The following KCNIP1 variants were observed in gnomAD, a reference collection of about 807,000 sequenced individuals.
KCNIP1 encodes A-type potassium channel modulatory protein KCNIP1.
A neutral mutation model predicts 33.0 loss-of-function variants in KCNIP1; 18 were observed. That is an observed-to-expected ratio of 0.55 (90% CI 0.38 to 0.81). The LOEUF is 0.81. Among genes scored for constraint, KCNIP1 ranks in the 30% least tolerant of loss-of-function variants. The pLI is 0.00. For synonymous variants in KCNIP1, 93 were observed against 98.3 expected (o/e 0.95, Z 0.32); for missense variants, 238 against 271.6 (o/e 0.88, Z 0.87).
At chr5:170,501,652 G>A (rs974625444), upstream of KCNIP1, among the ~76,000 whole-genome samples, 1 of 152,218 alleles carries the variant, frequency 6.6e-6, no homozygotes, top group African/African-American at 2.4e-5. Context: ...GACCTCTCAA[G>A]TGCTGTCCTT....
chr5:170,590,201 T>C (rs1758195218), intron 1 of KCNIP1, among the ~76,000 whole-genome samples: 1 of 152,048 alleles, frequency 6.6e-6, no homozygotes, highest in Non-Finnish European at 1.5e-5. Context: ...AGTTTTACAC[T>C]TCCCAGGACC....
At chr5:170,354,495 C>T (rs2113274693) in intron 1 of KCNIP1, among the ~76,000 whole-genome samples, 1 of 152,290 alleles carries the variant, frequency 6.6e-6, no homozygotes, top group Middle Eastern at 3.4e-3. Flanking sequence ...TCCAGCGTCT[C>T]GTGCTTCTGG....
chr5:170,701,873 C>T (rs1476036229), intron 1 of KCNIP1, among the ~76,000 whole-genome samples: 1 of 152,142 alleles, frequency 6.6e-6, no homozygotes, highest in Non-Finnish European at 1.5e-5. Context: ...TGTGGAGCTG[C>T]GACAGGAGCC....
chr5:170,712,007 C>T (rs775341940), intron 1 of KCNIP1, among the ~76,000 whole-genome samples: 6 of 152,134 alleles, frequency 3.9e-5, no homozygotes, highest in East Asian at 3.9e-4. Context: ...GCAAGACAGG[C>T]GGAAGTTCAA....
intron 1 of KCNIP1, among the ~76,000 whole-genome samples, chr5:170,667,931 A>G (rs1193546610): frequency 6.6e-6 from 1 of 152,242 alleles, no homozygotes; most frequent in African/African-American, 2.4e-5. Flanking sequence ...TTATTGGCTC[A>G]TGTAACTGAA....
At chr5:170,642,541 C>A (rs866916398) in intron 1 of KCNIP1, among the ~76,000 whole-genome samples, 1 of 152,212 alleles carries the variant, frequency 6.6e-6, no homozygotes. Context: ...GCTTTCGAAA[C>A]ATCGTCACCA....
In KCNIP1 at chr5:170,385,517, G is replaced by A. The variant is rs76212844; in HGVS notation, c.88+31553G>A. On this transcript the variant is annotated intron_variant, in intron 1 of 7. Transcript: ENST00000377360. ...AGAAGTGAGATCAGCCCAGTTCACA[G>A]GTGATCCACAGAAAGAGAGGACAGG... 1.1e-3 allele frequency: 1,789 copies of A among 1,567,658 alleles called. 14 individuals are homozygous for A. In the African/African-American group the frequency reaches 0.02, roughly 17 times the overall value.
chr5:170,555,355 T>C (rs1393182291), intron 1 of KCNIP1, among the ~76,000 whole-genome samples: 1 of 152,182 alleles, frequency 6.6e-6, no homozygotes, highest in Non-Finnish European at 1.5e-5. Context: ...AAGTTACCCC[T>C]CCAGGAGCCA....
At chr5:170,522,747 G>A (rs779866688) in intron 1 of KCNIP1, among the ~76,000 whole-genome samples, 28 of 152,226 alleles carry the variant, frequency 1.8e-4, no homozygotes, top group Non-Finnish European at 3.2e-4. Context: ...ACGGGTCTGG[G>A]TCTGTTTCCA....
At chr5:170,428,588 G>A (rs1364418644) in intron 1 of KCNIP1, among the ~76,000 whole-genome samples, 1 of 152,134 alleles carries the variant, frequency 6.6e-6, no homozygotes, top group African/African-American at 2.4e-5. Context: ...TCCAGGCTCT[G>A]GGCGGTTTCT....
chr5:170,460,121 C>A (rs1215481875), intron 1 of KCNIP1, among the ~76,000 whole-genome samples: 1 of 152,084 alleles, frequency 6.6e-6, no homozygotes, highest in Non-Finnish European at 1.5e-5. Flanking sequence ...ATAGATACAA[C>A]CCTCCTTGCT....
At chr5:170,598,071 C>T (rs1005366674) in intron 1 of KCNIP1, among the ~76,000 whole-genome samples, 6 of 152,106 alleles carry the variant, frequency 3.9e-5, no homozygotes, top group Admixed American at 2.0e-4. Flanking sequence ...TACTTCAGAT[C>T]GGAACAAATC....
At chr5:170,692,993 A>G (rs1434515103) in intron 1 of KCNIP1, among the ~76,000 whole-genome samples, 2 of 152,260 alleles carry the variant, frequency 1.3e-5, no homozygotes, top group African/African-American at 4.8e-5. Flanking sequence ...TTTCTGGAGA[A>G]TAGATCCATC....
At chr5:170,582,661 T>G (rs1393311893) in intron 1 of KCNIP1, among the ~76,000 whole-genome samples, 1 of 152,146 alleles carries the variant, frequency 6.6e-6, no homozygotes, top group East Asian at 1.9e-4. Flanking sequence ...TGCAGGTGAC[T>G]GAGAAGACCA....
intron 1 of KCNIP1, among the ~76,000 whole-genome samples, chr5:170,699,452 C>T (rs1001399958): frequency 6.6e-6 from 1 of 151,876 alleles, no homozygotes; most frequent in African/African-American, 2.4e-5. Context: ...AATTATCACA[C>T]CTCCTTTGCA....
intron 1 of KCNIP1, among the ~76,000 whole-genome samples, chr5:170,435,552 C>T (rs1436295193): frequency 2.6e-5 from 4 of 152,286 alleles, no homozygotes; most frequent in African/African-American, 9.6e-5. Flanking sequence ...GCTATTTCCC[C>T]TTGCCATTCT....
intron 5 of KCNIP1, among the ~76,000 whole-genome samples, chr5:170,729,870 G>T (rs925109850): frequency 2.6e-5 from 4 of 151,978 alleles, no homozygotes; most frequent in Admixed American, 2.6e-4. Flanking sequence ...CCACACCTTG[G>T]TATATGTCCC....
At chr5:170,490,464 T>A in intron 1 of KCNIP1, among the ~76,000 whole-genome samples, 1 of 151,952 alleles carries the variant, frequency 6.6e-6, no homozygotes, top group East Asian at 1.9e-4. Context: ...GACACAGAAC[T>A]ACACACATAC....
At chr5:170,434,909 C>T (rs566295052) in intron 1 of KCNIP1, among the ~76,000 whole-genome samples, 4 of 152,140 alleles carry the variant, frequency 2.6e-5, no homozygotes, top group African/African-American at 9.7e-5. Context: ...GAGCCAAGGT[C>T]GTGCCACTGA....
Sources: gnomAD v4.1 joint callset for allele counts (sites outside exome capture counted in the v4.1 genomes callset) on GRCh38, gnomAD v4.1.1 for gene constraint, MANE v1.5 for transcripts, NCBI Gene and HGNC (gene_info 2026-07-23, HGNC 2026-07-21) for gene names.